RAD54L2: variants seen among roughly 807,000 people sequenced by gnomAD.
RAD54L2 encodes RAD54 like 2, also known as helicase ARIP4.
In RAD54L2, 27 loss-of-function variants were observed where a neutral mutation model predicts 138.4. That is an observed-to-expected ratio of 0.20 (90% CI 0.14 to 0.27). RAD54L2 has a LOEUF of 0.27. RAD54L2 is among the 10% of genes least tolerant of loss of function. The pLI, the probability that RAD54L2 is intolerant of heterozygous loss-of-function variation, is 1.00. For missense variants in RAD54L2, 1,396 were observed against 1,890.2 expected, an observed-to-expected ratio of 0.74 and a Z score of 4.85; for synonymous variants, 644 against 723.2, an observed-to-expected ratio of 0.89 and a Z score of 1.76.
chr3:51,643,031 CT>C (rs1212581275), intron 15 of RAD54L2, among the ~76,000 whole-genome samples: 8,280 of 113,210 alleles, frequency 0.073, 221 homozygotes, highest in East Asian at 0.23. Flanking sequence ...TAACTGAAGT[CT>C]TTTTTTTTTT....
intron 2 of RAD54L2, among the ~76,000 whole-genome samples, chr3:51,548,058 AT>A (rs34202813): frequency 0.88 from 133,898 of 151,636 alleles, 59,246 homozygotes; most frequent in East Asian, 0.94. Context: ...CACTCGGTTA[AT>A]TTTTTTGTAT....
At chr3:51,617,821 G>A (rs1700477408) in intron 3 of RAD54L2, among the ~76,000 whole-genome samples, 1 of 152,212 alleles carries the variant, frequency 6.6e-6, no homozygotes, top group Non-Finnish European at 1.5e-5. Context: ...TCAGGCTGCA[G>A]TGAGTGAGCC....
intron 12 of RAD54L2, 52 bp from the exon 13 acceptor site, chr3:51,639,367 C>A: frequency 6.3e-7 from 1 of 1,599,638 alleles, no homozygotes; most frequent in South Asian, 1.1e-5. Context: ...CCCTGGGACA[C>A]CCTTGGAATG....
intron 7 of RAD54L2, 144 bp downstream of exon 7, chr3:51,631,075 T>C (rs1700828455): frequency 1.3e-6 from 1 of 766,034 alleles, no homozygotes; most frequent in East Asian, 2.7e-5. Context: ...AAAGACCTGA[T>C]ACTTCCTTCT....
chr3:51,573,768 T>C (rs1699396254), intron 2 of RAD54L2, among the ~76,000 whole-genome samples: 2 of 152,208 alleles, frequency 1.3e-5, no homozygotes, highest in South Asian at 4.1e-4. Flanking sequence ...ATTTGTTAAG[T>C]GTTTAAATCT....
intron 15 of RAD54L2, among the ~76,000 whole-genome samples, chr3:51,642,519 A>G (rs1701164915): frequency 6.6e-6 from 1 of 152,160 alleles, no homozygotes; most frequent in Non-Finnish European, 1.5e-5. Flanking sequence ...TGAGAAATAC[A>G]GACCTCAGCA....
intron 21 of RAD54L2, among the ~76,000 whole-genome samples, chr3:51,657,916 C>CTTTTTTT (rs71084155): frequency 2.3e-5 from 2 of 87,444 alleles, no homozygotes; most frequent in African/African-American, 9.1e-5. Context: ...ATCTTGCTGT[C>CTTTTTTT]TTTTTTTTTT....
At chr3:51,557,078 A>G (rs1440128021) in intron 2 of RAD54L2, among the ~76,000 whole-genome samples, 2 of 151,562 alleles carry the variant, frequency 1.3e-5, no homozygotes, top group Non-Finnish European at 1.5e-5. Flanking sequence ...AACTGTGGAG[A>G]GTATAGCATC....
intron 7 of RAD54L2, among the ~76,000 whole-genome samples, chr3:51,632,621 C>T (rs924469603): frequency 6.8e-6 from 1 of 147,654 alleles, no homozygotes; most frequent in African/African-American, 2.5e-5. Context: ...AGGCTGGGCA[C>T]GATGGCTCGT....
At chr3:51,549,348 A>T (rs1698777420) in intron 2 of RAD54L2, among the ~76,000 whole-genome samples, 1 of 151,808 alleles carries the variant, frequency 6.6e-6, no homozygotes, top group African/African-American at 2.4e-5. Flanking sequence ...AGAGAGCTCT[A>T]CTCTCTTTAC....
At chr3:51,657,282 C>T (rs988775787) in intron 20 of RAD54L2, among the ~76,000 whole-genome samples, 1 of 152,128 alleles carries the variant, frequency 6.6e-6, no homozygotes, top group East Asian at 1.9e-4. Context: ...AAACAACCAT[C>T]TAAACTAAAA....
intron 2 of RAD54L2, among the ~76,000 whole-genome samples, chr3:51,573,772 T>G (rs1057261717): frequency 6.6e-6 from 1 of 152,216 alleles, no homozygotes; most frequent in Non-Finnish European, 1.5e-5. Context: ...GTTAAGTGTT[T>G]AAATCTTTGG....
intron 4 of RAD54L2, 124 bp downstream of exon 4, chr3:51,627,878 C>G: frequency 9.2e-7 from 1 of 1,081,664 alleles, no homozygotes; most frequent in Non-Finnish European, 1.3e-6. Flanking sequence ...AGAAAAGTGT[C>G]AGGTGTGTGT....
intron 2 of RAD54L2, among the ~76,000 whole-genome samples, chr3:51,542,032 C>G (rs1256012271): frequency 6.6e-6 from 1 of 152,126 alleles, no homozygotes; most frequent in East Asian, 1.9e-4. Context: ...TTAGAGTTTT[C>G]TATTTCTTTA....
At chr3:51,649,667 T>C (rs1245696197) in intron 19 of RAD54L2, among the ~76,000 whole-genome samples, 5 of 152,192 alleles carry the variant, frequency 3.3e-5, no homozygotes, top group African/African-American at 1.2e-4. Context: ...AAAAGAATTT[T>C]CAACCCAGAA....
chr3:51,604,580 A>C (rs1033678193), intron 3 of RAD54L2, among the ~76,000 whole-genome samples: 1 of 152,234 alleles, frequency 6.6e-6, no homozygotes, highest in South Asian at 2.1e-4. Flanking sequence ...TTTGTGAGGT[A>C]AATGTCCTCA....
chr3:51,543,856 C>T lies in RAD54L2; in HGVS notation c.-55+2206C>T, dbSNP rs183299136. Among the ~76,000 whole-genome samples, 495 of 152,118 alleles carry T rather than the reference C, an allele frequency of 3.3e-3. 7 individuals carry two copies. The highest frequency in any genetic ancestry group is 0.011 in the African/African-American group (445 of 41,494). Reference sequence around the variant, plus strand: ...TTTGCTCTCTATTCTACAGCTTGGCCGACTCTAAGGCTTGAACCAGGAGTT... The same window carrying T: ...TTTGCTCTCTATTCTACAGCTTGGCTGACTCTAAGGCTTGAACCAGGAGTT... On this transcript the variant is annotated intron_variant, in intron 2 of 22. Transcript: ENST00000684192.
At chr3:51,563,645 A>T (rs1699148084) in intron 2 of RAD54L2, among the ~76,000 whole-genome samples, 1 of 152,224 alleles carries the variant, frequency 6.6e-6, no homozygotes, top group East Asian at 1.9e-4. Context: ...AGAAAGTAAT[A>T]ATACCGTAGC....
At chr3:51,641,720 C>T (rs1270467483) in intron 14 of RAD54L2, 29 bp from the exon 15 acceptor site, 2 of 1,426,978 alleles carry the variant, frequency 1.4e-6, no homozygotes, top group South Asian at 1.2e-5. Flanking sequence ...ATTCTGGGAG[C>T]CATCTGAACG....
Sources: allele counts gnomAD v4.1 joint callset (sites outside exome capture counted in the v4.1 genomes callset), GRCh38; gene constraint gnomAD v4.1.1; transcripts MANE v1.5; gene names NCBI Gene and HGNC (gene_info 2026-07-23, HGNC 2026-07-21).